The following NELL1 variants were observed in gnomAD, a reference collection of about 807,000 sequenced individuals.
NELL1 encodes protein kinase C-binding protein NELL1.
NELL1 carries 76 observed loss-of-function variants against 107.4 expected under a neutral mutation model. That is an observed-to-expected ratio of 0.71 (90% CI 0.59 to 0.86). NELL1 has a LOEUF of 0.86. NELL1 is among the 40% of genes least tolerant of loss of function. NELL1 has a pLI of 0.00. For missense variants in NELL1, 1,024 were observed against 1,005.5 expected (o/e 1.02, Z -0.25); for synonymous variants, 353 against 341.2 (o/e 1.03, Z -0.38).
chr11:20,932,598 A>G (rs976607493), intron 9 of NELL1, among the ~76,000 whole-genome samples: 2 of 152,200 alleles, frequency 1.3e-5, no homozygotes, highest in African/African-American at 2.4e-5. Flanking sequence ...GTGTTTAACC[A>G]TTTTATATGT....
At chr11:21,548,854 T>C (rs1217078478) in intron 16 of NELL1, among the ~76,000 whole-genome samples, 1 of 150,988 alleles carries the variant, frequency 6.6e-6, no homozygotes, top group Non-Finnish European at 1.5e-5. Context: ...ACTTGACCCT[T>C]TGTTACTCTT....
chr11:21,084,076 T>G lies in NELL1; in HGVS notation c.1301-29513T>G, dbSNP rs148619562. Among the ~76,000 whole-genome samples the G allele has an allele frequency of 3.8e-3, 574 of 152,242 alleles. 3 individuals are homozygous for G. Among genetic ancestry groups the G allele is most frequent in the African/African-American group, 0.013 (530 of 41,544 alleles). On this transcript the variant is annotated intron_variant, in intron 12 of 19. Coordinates refer to ENST00000357134, the MANE Select transcript of NELL1 (RefSeq NM_006157.5). Reference sequence around the variant, plus strand: ...CAGTGAGCGTTCTCATTGTAATTACTGCAGGTTTATATTGTTATTATGGTG... The same window carrying G: ...CAGTGAGCGTTCTCATTGTAATTACGGCAGGTTTATATTGTTATTATGGTG...
intron 15 of NELL1, among the ~76,000 whole-genome samples, chr11:21,371,994 A>G (rs1284555482): frequency 6.6e-6 from 1 of 152,102 alleles, no homozygotes; most frequent in Non-Finnish European, 1.5e-5. Flanking sequence ...CCTTTTAAAG[A>G]CATGCCAAAA....
At chr11:20,992,429 G>C (rs1404862428) in intron 12 of NELL1, among the ~76,000 whole-genome samples, 1 of 152,212 alleles carries the variant, frequency 6.6e-6, no homozygotes, top group South Asian at 2.1e-4. Flanking sequence ...AATTTAGCCT[G>C]TAGGGACCTT....
rs565882127 is a variant in NELL1, at chr11:21,177,403, C to T, written c.1427-51929C>T. 1.2e-3 allele frequency among the ~76,000 whole-genome samples: 175 copies of T among 151,856 alleles called. 2 individuals carry two copies. The highest frequency in any genetic ancestry group is 3.4e-3 in the Middle Eastern group (1 of 294). On this transcript the variant is annotated intron_variant, in intron 13 of 19. Transcript: ENST00000357134. ...TGGCTTATTTCACTTAGCATAATGTCATCTAGCTTCATCCATGTTGTCACA... is the reference window on the plus strand; with the variant it reads ...TGGCTTATTTCACTTAGCATAATGTTATCTAGCTTCATCCATGTTGTCACA...
chr11:20,811,434 AG>A, intron 3 of NELL1, among the ~76,000 whole-genome samples: 1 of 151,840 alleles, frequency 6.6e-6, no homozygotes, highest in Admixed American at 6.6e-5. Context: ...AGATTTTTTG[AG>A]GTTCCATATT....
intron 15 of NELL1, 116 bp from the exon 16 acceptor site, chr11:21,534,258 G>C (rs1008849791): frequency 1.7e-6 from 2 of 1,156,690 alleles, no homozygotes; most frequent in Non-Finnish European, 2.5e-6. Flanking sequence ...TTTCATTGTA[G>C]GTGACTAAAC....
intron 14 of NELL1, among the ~76,000 whole-genome samples, chr11:21,286,947 G>T (rs183514751): frequency 1.3e-5 from 2 of 152,200 alleles, no homozygotes; most frequent in Non-Finnish European, 2.9e-5. Context: ...TGTGATAACT[G>T]TACCTGCCTT....
chr11:21,295,700 T>G (rs1296311573), intron 14 of NELL1, among the ~76,000 whole-genome samples: 1 of 152,046 alleles, frequency 6.6e-6, no homozygotes, highest in Non-Finnish European at 1.5e-5. Flanking sequence ...CACTTGGTCC[T>G]TGGAGTTTCC....
intron 14 of NELL1, among the ~76,000 whole-genome samples, chr11:21,357,102 T>A (rs1193330333): frequency 6.6e-6 from 1 of 152,246 alleles, no homozygotes; most frequent in African/African-American, 2.4e-5. Context: ...TGAATTGTGC[T>A]GCTCTAAACA....
intron 4 of NELL1, among the ~76,000 whole-genome samples, chr11:20,877,130 A>G (rs902771901): frequency 1.3e-5 from 2 of 152,200 alleles, no homozygotes; most frequent in African/African-American, 4.8e-5. Flanking sequence ...TATGTTCTGT[A>G]TAGGAAAATT....
chr11:20,887,917 T>C (rs1849542212), intron 5 of NELL1, among the ~76,000 whole-genome samples: 1 of 152,140 alleles, frequency 6.6e-6, no homozygotes, highest in Admixed American at 6.5e-5. Flanking sequence ...AAAAAAATGC[T>C]CAGTTAGTCC....
At chr11:20,872,017 TC>T (rs1358902622) in intron 4 of NELL1, among the ~76,000 whole-genome samples, 1 of 14,460 alleles carries the variant, frequency 6.9e-5, no homozygotes, top group African/African-American at 1.0e-4. Context: ...AGACTCCGTC[TC>T]AAAAAAAAAA....
intron 2 of NELL1, among the ~76,000 whole-genome samples, chr11:20,752,534 A>T (rs1319110677): frequency 6.6e-6 from 1 of 152,212 alleles, no homozygotes; most frequent in African/African-American, 2.4e-5. Context: ...CAGCAACAAG[A>T]GTGAAACTCC....
In NELL1 at chr11:20,937,798, A is replaced by G. The variant is rs778944309; in HGVS notation, c.1010A>G (p.Tyr337Cys). The G allele has an allele frequency of 8.7e-6, 14 of 1,613,840 alleles. No homozygotes were observed. In the African/African-American group the frequency reaches 9.3e-5, roughly 11 times the overall value. The part of the protein sequence containing the change: ...CCKVCRPKCI[Y>C]GGKVLAEGQR... ...TGTTTTATTACAGCAAAATGTATCT[A>G]TGGAGGAAAAGTTCTTGCAGAAGGC... The change falls in exon 10 of 20, where the codon TAT becomes TGT. Residue 337 changes from tyrosine (Y) to cysteine (C), a missense_variant. Tyr to Cys is a radical substitution (Grantham distance 194). Coordinates refer to ENST00000357134, the MANE Select transcript of NELL1 (RefSeq NM_006157.5).
intron 12 of NELL1, among the ~76,000 whole-genome samples, chr11:21,110,967 G>T (rs1043138735): frequency 3.3e-5 from 5 of 152,140 alleles, no homozygotes; most frequent in Admixed American, 2.0e-4. Flanking sequence ...TGTCCACAAA[G>T]AATCTGGCCC....
intron 5 of NELL1, among the ~76,000 whole-genome samples, chr11:20,906,160 C>T (rs912672844): frequency 1.3e-5 from 2 of 151,926 alleles, no homozygotes; most frequent in Admixed American, 6.6e-5. Context: ...TTACTACTGA[C>T]CTTACAGAAA....
chr11:21,551,410 G>T (rs990880354), intron 16 of NELL1, among the ~76,000 whole-genome samples: 3 of 152,010 alleles, frequency 2.0e-5, no homozygotes, highest in Non-Finnish European at 4.4e-5. Flanking sequence ...AGGCATCCCT[G>T]TCTTGTGCCA....
At chr11:20,935,246 C>A (rs1398004181) in intron 9 of NELL1, among the ~76,000 whole-genome samples, 1 of 152,000 alleles carries the variant, frequency 6.6e-6, no homozygotes, top group African/African-American at 2.4e-5. Flanking sequence ...GGATTAGGTT[C>A]AAAGTACAAT....
Sources: allele counts gnomAD v4.1 joint callset (sites outside exome capture counted in the v4.1 genomes callset), GRCh38; gene constraint gnomAD v4.1.1; transcripts MANE v1.5; gene names NCBI Gene and HGNC (gene_info 2026-07-23, HGNC 2026-07-21).